UVSSA: variants seen among roughly 807,000 people sequenced by gnomAD.
UVSSA encodes the protein UV stimulated scaffold protein A.
Under a neutral mutation model 73.9 loss-of-function variants are expected in UVSSA, and 72 were observed. That is an observed-to-expected ratio of 0.97 (90% confidence interval 0.81 to 1.19). The LOEUF (loss-of-function observed/expected upper bound fraction) is 1.19, where lower values mean the gene tolerates loss of function less well. UVSSA is among the 50% of genes most tolerant of loss of function. The pLI is 0.00. For synonymous variants in UVSSA, 454 were observed against 391.3 expected (o/e 1.16, Z -1.89); for missense variants, 1,150 against 965.0 (o/e 1.19, Z -2.54).
intron 4 of UVSSA, among the ~76,000 whole-genome samples, chr4:1,352,742 A>G (rs1291505255): frequency 2.0e-5 from 3 of 152,240 alleles, no homozygotes; most frequent in Non-Finnish European, 4.4e-5. Context: ...GCCTGAGTCC[A>G]GGAGTTTAAA....
At chr4:1,380,334 G>A (rs1719330448) in intron 11 of UVSSA, 104 bp downstream of exon 11, 1 of 1,381,106 alleles carries the variant, frequency 7.2e-7, no homozygotes, top group East Asian at 2.5e-5. Flanking sequence ...CAGGGTGCTT[G>A]TGAGCACTGA....
At position 1,366,383 on chromosome 4, in the gene UVSSA, AAGG is replaced by A; in HGVS notation, c.1244_1246del (p.Glu415del). The A allele has an allele frequency of 3.1e-6, 5 of 1,613,400 alleles. No individual in the cohort carries two copies. The highest frequency in any genetic ancestry group is 4.2e-6 in the Non-Finnish European group (5 of 1,179,684). On this transcript the variant is annotated inframe_deletion, in exon 8 of 14. Coordinates refer to ENST00000389851, the MANE Select transcript of UVSSA (RefSeq NM_020894.4). ...TGAGGACTTTGTGGAGGTCCCTGAG[AAGG>A]AGGGGTATGAGCCACACATCCCCGA...
At chr4:1,369,893 C>T (rs1717814512) in intron 8 of UVSSA, among the ~76,000 whole-genome samples, 1 of 152,254 alleles carries the variant, frequency 6.6e-6, no homozygotes, top group African/African-American at 2.4e-5. Flanking sequence ...GCCGTGCGGG[C>T]AAGGCGGGCG....
intron 5 of UVSSA, among the ~76,000 whole-genome samples, chr4:1,354,353 T>C (rs1715315873): frequency 7.1e-6 from 1 of 141,714 alleles, no homozygotes; most frequent in South Asian, 2.2e-4. Context: ...TGGGGGCTGG[T>C]GAGGCTGGGC....
intron 8 of UVSSA, chr4:1,375,145 G>A (rs1005870542): frequency 3.0e-5 from 20 of 665,330 alleles, no homozygotes; most frequent in Middle Eastern, 8.5e-4. Flanking sequence ...CGGGACTGCC[G>A]GACCCCCCGA....
intron 8 of UVSSA, among the ~76,000 whole-genome samples, chr4:1,368,521 C>T (rs1183880273): frequency 1.3e-5 from 2 of 152,258 alleles, no homozygotes; most frequent in African/African-American, 2.4e-5. Context: ...GCCTGGCCAT[C>T]CCCTCCCCAC....
chr4:1,380,500 C>T, intron 11 of UVSSA: 1 of 864,100 alleles, frequency 1.2e-6, no homozygotes, highest in Non-Finnish European at 1.7e-6. Flanking sequence ...ACAGTATCCT[C>T]CATGGTTGCA....
At chr4:1,389,030 A>G (rs1720338184), downstream of UVSSA, 1 of 152,140 alleles carries the variant, frequency 6.6e-6, no homozygotes, top group Non-Finnish European at 1.5e-5. Flanking sequence ...CATTTGGTGG[A>G]ATTTACCAGT....
upstream of UVSSA, among the ~76,000 whole-genome samples, chr4:1,343,731 G>A (rs548540058): frequency 6.6e-6 from 1 of 152,204 alleles, no homozygotes; most frequent in South Asian, 2.1e-4. Context: ...AGGTTGCAGT[G>A]AGCCAAGATC....
Position 1,395,795 on chromosome 4 carries a change from A to C in UVSSA, c.*9834A>C, listed in dbSNP as rs990315238. 1.9e-6 allele frequency: 3 copies of C among 1,614,064 alleles called. No individual in the cohort carries two copies. The African/African-American group carries it at 4.0e-5, about 22-fold the overall frequency. ...TACATTCTACTCATGGTGGCTTTTT[A>C]ATACGTTTTTATGTCAAGGATCCCT... On this transcript the variant is annotated 3_prime_UTR_variant, in exon 14 of 14. Coordinates refer to the UVSSA transcript ENST00000511216.
At chr4:1,362,325 C>T (rs1716766291) in intron 7 of UVSSA, among the ~76,000 whole-genome samples, 1 of 152,180 alleles carries the variant, frequency 6.6e-6, no homozygotes, top group South Asian at 2.1e-4. Flanking sequence ...GTAGCTCCTG[C>T]ACTGTGGACC....
rs377640397 is a variant in UVSSA, at chr4:1,370,533, C to T, written c.1288+4102C>T. ...GGGAGCAGCCTGGCAGGCGTGCAGCCGTGCACGGCTTAGAGGAGCTCCCGA... is the reference window on the plus strand; with the variant it reads ...GGGAGCAGCCTGGCAGGCGTGCAGCTGTGCACGGCTTAGAGGAGCTCCCGA... On this transcript the variant is annotated intron_variant, in intron 8 of 13. Coordinates refer to ENST00000389851, the MANE Select transcript of UVSSA (RefSeq NM_020894.4). 1.2e-4 allele frequency among the ~76,000 whole-genome samples: 18 copies of T among 152,382 alleles called. No individual in the cohort carries two copies. The East Asian group carries it at 2.9e-3, about 24-fold the overall frequency.
chr4:1,355,979 T>C (rs1200004827), intron 7 of UVSSA, among the ~76,000 whole-genome samples: 1 of 152,054 alleles, frequency 6.6e-6, no homozygotes. Flanking sequence ...GCCTGAGAGC[T>C]GGGGTCCTCT....
chr4:1,372,675 C>T (rs6856550), intron 8 of UVSSA, among the ~76,000 whole-genome samples: 74,132 of 101,778 alleles, frequency 0.73, 28,570 homozygotes, highest in African/African-American at 0.9. Context: ...GTGTTCCTCC[C>T]GCGTCTCAGG....
Position 1,354,859 on chromosome 4 carries a change from A to G in UVSSA, c.1047+12A>G. 5 of 1,566,532 alleles carry G rather than the reference A, an allele frequency of 3.2e-6. No homozygotes were observed. The highest frequency in any genetic ancestry group is 3.5e-6 in the Non-Finnish European group (4 of 1,151,772). On this transcript the variant is annotated intron_variant, in intron 6 of 13. Coordinates refer to ENST00000389851, the MANE Select transcript of UVSSA (RefSeq NM_020894.4). ...GCTCGTGGATCCAGGTGAGCCTCGA[A>G]CCTGGGACCTGTGGGTGGAGGGACG...
chr4:1,385,795 G>T (rs1720049612), intron 13 of UVSSA, 73 bp from the exon 14 acceptor site: 1 of 1,527,570 alleles, frequency 6.5e-7, no homozygotes, highest in Non-Finnish European at 9.1e-7. Flanking sequence ...CCTAACTTTG[G>T]TGATGCCGCC....
chr4:1,380,373 TG>T, intron 11 of UVSSA, 143 bp downstream of exon 11: 1 of 1,184,424 alleles, frequency 8.4e-7, no homozygotes, highest in Non-Finnish European at 1.2e-6. Flanking sequence ...TTATCCGTGG[TG>T]GGCAGAAATT....
chr4:1,352,004 C>T (rs1005400790), intron 4 of UVSSA, among the ~76,000 whole-genome samples, 169 bp downstream of exon 4: 3 of 152,208 alleles, frequency 2.0e-5, no homozygotes, highest in Admixed American at 6.5e-5. Flanking sequence ...CGTAGGCCTC[C>T]CAGGCTGTCC....
chr4:1,392,752 G>T (rs1180750426), downstream of UVSSA: 2 of 152,186 alleles, frequency 1.3e-5, no homozygotes, highest in African/African-American at 4.8e-5. Context: ...GGATATAGAG[G>T]TTAATATTTC....
Sources: gnomAD v4.1 joint callset for allele counts (sites outside exome capture counted in the v4.1 genomes callset) on GRCh38, gnomAD v4.1.1 for gene constraint, MANE v1.5 for transcripts, NCBI Gene and HGNC (gene_info 2026-07-23, HGNC 2026-07-21) for gene names.